The following SORCS3 variants were observed in gnomAD, a reference collection of about 807,000 sequenced individuals.
SORCS3 encodes the protein sortilin related VPS10 domain containing receptor 3.
A neutral mutation model predicts 146.3 loss-of-function variants in SORCS3; 57 were observed. The observed-to-expected ratio is 0.39, with a 90% CI of 0.31 to 0.49. SORCS3 has a LOEUF of 0.49. Ranked by LOEUF, SORCS3 falls within the 20% of genes least tolerant of loss-of-function variation. SORCS3 has a pLI of 0.92. For missense variants in SORCS3, 1,341 were observed against 1,575.5 expected, an observed-to-expected ratio of 0.85 and a Z score of 2.52; for synonymous variants, 653 against 618.5, an observed-to-expected ratio of 1.06 and a Z score of -0.83.
chr10:104,800,934 T>C (rs1325974639), intron 1 of SORCS3, among the ~76,000 whole-genome samples: 1 of 152,234 alleles, frequency 6.6e-6, no homozygotes, highest in Non-Finnish European at 1.5e-5. Flanking sequence ...ATATCACTGG[T>C]TTTAAAAACT....
chr10:105,182,454 C>A (rs1313604554), intron 14 of SORCS3, among the ~76,000 whole-genome samples: 3 of 151,870 alleles, frequency 2.0e-5, no homozygotes, highest in African/African-American at 7.3e-5. Context: ...AAGGAAGGTA[C>A]TATAATTCTC....
At chr10:105,158,510 T>TC (rs1186921196) in intron 10 of SORCS3, among the ~76,000 whole-genome samples, 2 of 152,140 alleles carry the variant, frequency 1.3e-5, no homozygotes, top group South Asian at 2.1e-4. Context: ...CCCTTACAAC[T>TC]CCAAGAAGCA....
chr10:105,103,350 A>G (rs2055799470), intron 6 of SORCS3, among the ~76,000 whole-genome samples: 1 of 152,232 alleles, frequency 6.6e-6, no homozygotes, highest in Non-Finnish European at 1.5e-5. Flanking sequence ...AAGGCCTGCC[A>G]TGTCATACAA....
chr10:105,211,298 C>A, intron 17 of SORCS3, 48 bp downstream of exon 17: 1 of 1,320,220 alleles, frequency 7.6e-7, no homozygotes, highest in Non-Finnish European at 1.1e-6. Flanking sequence ...TCCTGTTTCT[C>A]TAAACTAGGA....
At chr10:104,698,832 A>G (rs2016247539) in intron 1 of SORCS3, among the ~76,000 whole-genome samples, 2 of 152,040 alleles carry the variant, frequency 1.3e-5, no homozygotes, top group Non-Finnish European at 2.9e-5. Flanking sequence ...GAAAACCTTT[A>G]TTTCCCTAGG....
intron 1 of SORCS3, among the ~76,000 whole-genome samples, chr10:104,697,870 T>C (rs993935878): frequency 6.6e-6 from 1 of 152,150 alleles, no homozygotes; most frequent in Admixed American, 6.5e-5. Flanking sequence ...CATTAATGCA[T>C]CTAAGTGAGG....
In SORCS3 at chr10:104,955,097, T is replaced by A. The variant is rs186821748; in HGVS notation, c.796-22238T>A. On this transcript the variant is annotated intron_variant, in intron 3 of 26. Coordinates refer to ENST00000369701, the MANE Select transcript of SORCS3 (RefSeq NM_014978.3). ...GGCATTTAGTACATGCACAATGTGG[T>A]GTAATCACTACTATCTAGTTCCAGA... Among the ~76,000 whole-genome samples the A allele has an allele frequency of 1.6e-4, 25 of 152,298 alleles. No individual in the cohort carries two copies. In the East Asian group the frequency reaches 4.6e-3, roughly 28 times the overall value.
intron 1 of SORCS3, among the ~76,000 whole-genome samples, chr10:104,724,991 C>G (rs895500826): frequency 6.6e-6 from 1 of 152,200 alleles, no homozygotes; most frequent in African/African-American, 2.4e-5. Context: ...AAGTCATTCT[C>G]CATCCAGCTT....
chr10:104,762,860 C>T (rs1170765778), intron 1 of SORCS3, among the ~76,000 whole-genome samples: 2 of 152,036 alleles, frequency 1.3e-5, no homozygotes, highest in African/African-American at 4.8e-5. Context: ...TATAAATTGC[C>T]CAGTCTCAGG....
chr10:105,006,631 A>C (rs1274168861), intron 4 of SORCS3, among the ~76,000 whole-genome samples: 1 of 152,018 alleles, frequency 6.6e-6, no homozygotes, highest in Non-Finnish European at 1.5e-5. Context: ...TGCCATTGCC[A>C]CTTCTCTGGC....
intron 25 of SORCS3, among the ~76,000 whole-genome samples, chr10:105,261,475 G>A (rs745328927): frequency 6.6e-5 from 10 of 152,180 alleles, no homozygotes; most frequent in African/African-American, 1.4e-4. Flanking sequence ...ATCCAGTCCA[G>A]ACTTACAGAG....
chr10:104,742,511 G>C (rs77600074), intron 1 of SORCS3, among the ~76,000 whole-genome samples: 1,882 of 152,264 alleles, frequency 0.012, 32 homozygotes, highest in African/African-American at 0.038. Context: ...AGTAGGTAGT[G>C]GCCACACTCA....
chr10:104,923,805 G>A (rs1490757500), intron 3 of SORCS3, among the ~76,000 whole-genome samples: 1 of 152,144 alleles, frequency 6.6e-6, no homozygotes, highest in South Asian at 2.1e-4. Context: ...GTCTGTTAAG[G>A]AGCAAAGAAG....
In SORCS3 at chr10:105,193,181, G is replaced by A. The variant is rs2056526224; in HGVS notation, c.2010-6818G>A. Among the ~76,000 whole-genome samples, 5 of 152,126 alleles carry A rather than the reference G, an allele frequency of 3.3e-5. No individual in the cohort carries two copies. In the South Asian group the frequency reaches 1.0e-3, roughly 32 times the overall value. On this transcript the variant is annotated intron_variant, in intron 14 of 26. Coordinates refer to ENST00000369701, the MANE Select transcript of SORCS3 (RefSeq NM_014978.3). ...AGGAGGTGGGTTATTTAGGGTCCCAGCAAATCATATTTGTTTGTGGAAATC... is the reference window on the plus strand; with the variant it reads ...AGGAGGTGGGTTATTTAGGGTCCCAACAAATCATATTTGTTTGTGGAAATC...
intron 4 of SORCS3, among the ~76,000 whole-genome samples, chr10:105,009,290 G>A (rs1467546831): frequency 1.3e-5 from 2 of 151,988 alleles, no homozygotes; most frequent in Non-Finnish European, 1.5e-5. Flanking sequence ...CTTAAATTGT[G>A]GTAGAAAGAA....
At chr10:105,007,307 G>A (rs911683076) in intron 4 of SORCS3, among the ~76,000 whole-genome samples, 4 of 151,828 alleles carry the variant, frequency 2.6e-5, no homozygotes, top group Non-Finnish European at 5.9e-5. Context: ...TTACAGTTTA[G>A]TTGAGGTGAA....
chr10:104,841,655 A>G (rs1429980308), intron 1 of SORCS3, among the ~76,000 whole-genome samples: 1 of 152,158 alleles, frequency 6.6e-6, no homozygotes, highest in Non-Finnish European at 1.5e-5. Context: ...GTGCAATATA[A>G]TGGCTGATTA....
rs559934982 is a variant in SORCS3, at chr10:104,657,481, A to G, written c.627+15527A>G. ...TGTATTTCGAGATCATTAGCCTGCT[A>G]CATACATGCTCAGGGATGGACTTAG... On this transcript the variant is annotated intron_variant, in intron 1 of 26. Transcript: ENST00000369701. Among the ~76,000 whole-genome samples the G allele has an allele frequency of 2.0e-5, 3 of 152,354 alleles. No individual in the cohort carries two copies. The East Asian group carries it at 5.8e-4, about 29-fold the overall frequency.
chr10:105,138,917 T>C (rs1276338140), intron 7 of SORCS3, among the ~76,000 whole-genome samples: 1 of 152,244 alleles, frequency 6.6e-6, no homozygotes, highest in Admixed American at 6.5e-5. Context: ...AAATCTGTGC[T>C]TAGATCAGAA....
Sources: allele counts gnomAD v4.1 joint callset (sites outside exome capture counted in the v4.1 genomes callset), GRCh38; gene constraint gnomAD v4.1.1; transcripts MANE v1.5; gene names NCBI Gene and HGNC (gene_info 2026-07-23, HGNC 2026-07-21).